CNTNAP2: variants seen among roughly 807,000 people sequenced by gnomAD.
CNTNAP2 encodes the protein contactin associated protein 2.
In CNTNAP2, 98 loss-of-function variants were observed where a neutral mutation model predicts 155.2. That is an observed-to-expected ratio of 0.63 (90% CI 0.54 to 0.75). CNTNAP2 has a LOEUF of 0.75. Ranked by LOEUF, CNTNAP2 falls within the 30% of genes least tolerant of loss-of-function variation. The pLI is 0.00. For missense variants in CNTNAP2, 1,727 were observed against 1,688.1 expected, an observed-to-expected ratio of 1.02 and a Z score of -0.40; for synonymous variants, 651 against 631.2, an observed-to-expected ratio of 1.03 and a Z score of -0.47.
At chr7:146,678,214 G>A (rs970957408) in intron 1 of CNTNAP2, among the ~76,000 whole-genome samples, 1 of 150,256 alleles carries the variant, frequency 6.7e-6, no homozygotes, top group Non-Finnish European at 1.5e-5. Flanking sequence ...GATTTTAGGC[G>A]ACCACCGCCA....
chr7:147,711,914 C>T (rs539178950), intron 13 of CNTNAP2, among the ~76,000 whole-genome samples: 8 of 152,238 alleles, frequency 5.3e-5, no homozygotes, highest in Admixed American at 2.0e-4. Flanking sequence ...TGGTAACTCT[C>T]CATTCAAGAA....
chr7:146,498,895 A>G (rs1797258655), intron 1 of CNTNAP2, among the ~76,000 whole-genome samples: 2 of 152,202 alleles, frequency 1.3e-5, no homozygotes, highest in Admixed American at 1.3e-4. Context: ...CTAATGTGTT[A>G]ATCTAGCCAA....
intron 15 of CNTNAP2, among the ~76,000 whole-genome samples, chr7:148,098,049 G>T (rs1330172483): frequency 6.6e-6 from 1 of 152,140 alleles, no homozygotes; most frequent in African/African-American, 2.4e-5. Context: ...GGTTCAAGTT[G>T]GTGACTGAGT....
intron 3 of CNTNAP2, among the ~76,000 whole-genome samples, chr7:146,967,535 A>C (rs1308057474): frequency 2.6e-5 from 4 of 152,236 alleles, no homozygotes; most frequent in East Asian, 3.9e-4. Context: ...ATCCCTTGTA[A>C]GTTGGATTCC....
chr7:146,993,707 T>A (rs551752171), intron 3 of CNTNAP2, among the ~76,000 whole-genome samples: 1 of 152,176 alleles, frequency 6.6e-6, no homozygotes, highest in Non-Finnish European at 1.5e-5. Context: ...TGTATACGTA[T>A]CCCCAAATTC....
chr7:146,281,755 G>A (rs1039229512), intron 1 of CNTNAP2, among the ~76,000 whole-genome samples: 4 of 151,048 alleles, frequency 2.6e-5, no homozygotes, highest in Non-Finnish European at 4.4e-5. Context: ...AGATCTCACC[G>A]TTGCACTCCA....
intron 19 of CNTNAP2, among the ~76,000 whole-genome samples, chr7:148,220,469 A>G (rs1795726272): frequency 6.6e-6 from 1 of 152,230 alleles, no homozygotes; most frequent in East Asian, 1.9e-4. Flanking sequence ...TTAGTAAAAT[A>G]GTAAAAGAGG....
chr7:147,396,661 C>T (rs1368121492), intron 10 of CNTNAP2, among the ~76,000 whole-genome samples: 1 of 151,906 alleles, frequency 6.6e-6, no homozygotes, highest in African/African-American at 2.4e-5. Flanking sequence ...TAGATAGGGC[C>T]TGTCATTCCA....
chr7:146,589,590 G>A (rs1278088114), intron 1 of CNTNAP2, among the ~76,000 whole-genome samples: 1 of 151,946 alleles, frequency 6.6e-6, no homozygotes, highest in African/African-American at 2.4e-5. Flanking sequence ...CACACATTGG[G>A]GCCTGTTGGG....
intron 2 of CNTNAP2, among the ~76,000 whole-genome samples, chr7:146,837,763 G>A (rs1803646260): frequency 6.6e-6 from 1 of 152,156 alleles, no homozygotes; most frequent in African/African-American, 2.4e-5. Context: ...TTGCTCAGGT[G>A]TGTCCAGACT....
chr7:148,263,276 T>C (rs1389675462), intron 20 of CNTNAP2: 1 of 152,096 alleles, frequency 6.6e-6, no homozygotes, highest in Non-Finnish European at 1.5e-5. Context: ...CCCATTTAGG[T>C]TCCTGTTCAC....
At chr7:146,949,902 C>T (rs1163296911) in intron 3 of CNTNAP2, among the ~76,000 whole-genome samples, 1 of 152,062 alleles carries the variant, frequency 6.6e-6, no homozygotes, top group Non-Finnish European at 1.5e-5. Flanking sequence ...TCTTTTTAAT[C>T]TGTAAATTGA....
At chr7:147,476,270 T>A (rs1798318462) in intron 10 of CNTNAP2, among the ~76,000 whole-genome samples, 1 of 151,928 alleles carries the variant, frequency 6.6e-6, no homozygotes, top group Non-Finnish European at 1.5e-5. Context: ...CATGCCCAGC[T>A]ACTTTTTTGT....
At chr7:147,026,912 T>TAAA (rs35008433) in intron 3 of CNTNAP2, among the ~76,000 whole-genome samples, 4 of 122,332 alleles carry the variant, frequency 3.3e-5, no homozygotes, top group Middle Eastern at 4.6e-3. Context: ...GTCTCAGTGC[T>TAAA]AAAAAAAAAA....
chr7:148,140,452 G>A (rs1199278068), intron 16 of CNTNAP2, among the ~76,000 whole-genome samples: 3 of 136,570 alleles, frequency 2.2e-5, no homozygotes, highest in South Asian at 2.3e-4. Flanking sequence ...ACAGAGTTTC[G>A]CTCTTGTTGC....
At chr7:147,103,566 T>C (rs2129278299) in intron 4 of CNTNAP2, among the ~76,000 whole-genome samples, 1 of 152,182 alleles carries the variant, frequency 6.6e-6, no homozygotes, top group Non-Finnish European at 1.5e-5. Flanking sequence ...TTTTTACTAT[T>C]TTTTTAGATT....
intron 13 of CNTNAP2, among the ~76,000 whole-genome samples, chr7:147,809,183 A>G (rs1798141886): frequency 6.6e-6 from 1 of 152,188 alleles, no homozygotes; most frequent in Non-Finnish European, 1.5e-5. Context: ...AAAGCTCTCT[A>G]ATACTGATCT....
chr7:147,152,428 A>G (rs1358039153), intron 8 of CNTNAP2, among the ~76,000 whole-genome samples: 2 of 152,022 alleles, frequency 1.3e-5, no homozygotes, highest in Admixed American at 1.3e-4. Context: ...TCCTTTGTAA[A>G]ATGGTATAAT....
intron 9 of CNTNAP2, among the ~76,000 whole-genome samples, chr7:147,330,498 T>C (rs935830466): frequency 3.3e-5 from 5 of 152,154 alleles, no homozygotes; most frequent in African/African-American, 4.8e-5. Context: ...GAAGCATTGA[T>C]GGGTTGGACT....
Sources: gnomAD v4.1 joint callset for allele counts (sites outside exome capture counted in the v4.1 genomes callset) on GRCh38, gnomAD v4.1.1 for gene constraint, MANE v1.5 for transcripts, NCBI Gene and HGNC (gene_info 2026-07-23, HGNC 2026-07-21) for gene names.